Variants in LMCD1 observed in about 807,000 individuals in gnomAD.
LMCD1 encodes LIM and cysteine rich domains 1.
A neutral mutation model predicts 42.7 loss-of-function variants in LMCD1; 32 were observed. That is an observed-to-expected ratio of 0.75 (90% CI 0.57 to 1.01). The LOEUF (loss-of-function observed/expected upper bound fraction) is 1.01, where lower values mean the gene tolerates loss of function less well. LMCD1 is among the 50% of genes least tolerant of loss of function. The probability of loss-of-function intolerance (pLI) is 0.00; values close to 1 mark genes in which losing one functional copy is unlikely to be tolerated. For synonymous variants in LMCD1, 178 were observed against 184.9 expected (o/e 0.96, Z 0.30); for missense variants, 458 against 483.1 (o/e 0.95, Z 0.49).
At chr3:8,545,025 C>T (rs146016859) in intron 3 of LMCD1, among the ~76,000 whole-genome samples, 1 of 152,328 alleles carries the variant, frequency 6.6e-6, no homozygotes, top group East Asian at 1.9e-4. Flanking sequence ...CCAAATTGGA[C>T]AGTTACTTGT....
chr3:8,542,410 C>A (rs1489638048), intron 3 of LMCD1, among the ~76,000 whole-genome samples: 4 of 152,156 alleles, frequency 2.6e-5, no homozygotes, highest in Admixed American at 1.3e-4. Flanking sequence ...CCACAGACAC[C>A]CAATGCCAGT....
intron 3 of LMCD1, among the ~76,000 whole-genome samples, chr3:8,543,424 TAGATAGATAGATAGATAGACAGAC>T (rs1559353105): frequency 1.4e-4 from 17 of 124,346 alleles, no homozygotes; most frequent in African/African-American, 5.4e-4. Flanking sequence ...GATAGATAGA[TAGATAGATAGATAGATAGACAGAC>T]AGACAGAGAG....
chr3:8,541,902 G>A (rs1250714481), intron 3 of LMCD1, among the ~76,000 whole-genome samples: 1 of 151,826 alleles, frequency 6.6e-6, no homozygotes, highest in Non-Finnish European at 1.5e-5. Context: ...GAGCAGTGGT[G>A]GAAGTCTCAG....
chr3:8,559,422 C>T (rs1298615685), intron 4 of LMCD1, among the ~76,000 whole-genome samples: 4 of 119,464 alleles, frequency 3.3e-5, no homozygotes, highest in South Asian at 2.5e-4. Flanking sequence ...TTAACTCACA[C>T]CACAATCCTA....
At chr3:8,532,860 T>G (rs2125022713) in intron 2 of LMCD1, 35 bp downstream of exon 2, 1 of 1,557,732 alleles carries the variant, frequency 6.4e-7, no homozygotes, top group Middle Eastern at 1.7e-4. Context: ...CCTGTCTGCC[T>G]TTGTTACTTG....
chr3:8,536,297 G>A (rs905181273), intron 2 of LMCD1, among the ~76,000 whole-genome samples: 1 of 152,178 alleles, frequency 6.6e-6, no homozygotes, highest in African/African-American at 2.4e-5. Flanking sequence ...GAAAGGGAGG[G>A]GAGCGATTTT....
intron 1 of LMCD1, among the ~76,000 whole-genome samples, chr3:8,513,603 T>C (rs567965212): frequency 6.6e-6 from 1 of 151,998 alleles, no homozygotes; most frequent in Admixed American, 6.5e-5. Context: ...AACATGACTT[T>C]CAAAGAAAAA....
chr3:8,543,117 C>T (rs753895904), intron 3 of LMCD1, among the ~76,000 whole-genome samples: 10 of 152,180 alleles, frequency 6.6e-5, no homozygotes, highest in Non-Finnish European at 1.2e-4. Flanking sequence ...TCTCCGAAAT[C>T]CTTCTTTAGA....
At chr3:8,553,491 G>A (rs1425176190) in intron 4 of LMCD1, among the ~76,000 whole-genome samples, 1 of 152,242 alleles carries the variant, frequency 6.6e-6, no homozygotes, top group African/African-American at 2.4e-5. Context: ...AGGACACACT[G>A]CTGTCTGAGC....
chr3:8,501,968 A>G lies in LMCD1; in HGVS notation c.30A>G (p.Pro10=), dbSNP rs2125004944. MAKVAKDLN[P]GVKKMSLGQL... is the part of the protein sequence containing the mutation. ...CAAAGGTGGCTAAGGACCTCAACCC[A>G]GGAGTTAAAAAGGTGAGTGGAAAGC... The change falls in exon 1 of 6, where the codon CCA becomes CCG. Residue 10 remains proline (P), a synonymous_variant. Coordinates refer to ENST00000157600, the MANE Select transcript of LMCD1 (RefSeq NM_014583.4). 2 of 1,592,698 alleles carry G rather than the reference A, an allele frequency of 1.3e-6. No individual in the cohort carries two copies. Among genetic ancestry groups the G allele is most frequent in the Non-Finnish European group, 1.7e-6 (2 of 1,170,856 alleles).
chr3:8,507,427 T>G (rs1355836104), intron 1 of LMCD1, among the ~76,000 whole-genome samples: 1 of 152,190 alleles, frequency 6.6e-6, no homozygotes, highest in Non-Finnish European at 1.5e-5. Context: ...AACTCCCAAA[T>G]CAACTCCTTG....
At position 8,501,851 on chromosome 3, in the gene LMCD1, C is replaced by T. The variant is rs1471842663; in HGVS notation, c.-88C>T. 1 of 1,237,118 alleles carries T rather than the reference C, an allele frequency of 8.1e-7. No homozygotes were observed. The highest frequency in any genetic ancestry group is 1.1e-6 in the Non-Finnish European group (1 of 875,184). The allele number at this position is 1,237,118 out of a possible 1,614,324, so 76.6% of individuals were successfully genotyped here. On this transcript the variant is annotated 5_prime_UTR_variant, in exon 1 of 6. Transcript: ENST00000157600. ...CAGAGCTCCCTCCCAGGCCCGCGAA[C>T]TTGGCCATTCAGCCGCCGCTGTCCC...
At position 8,521,582 on chromosome 3, in the gene LMCD1, T is replaced by C. The variant is rs138100624; in HGVS notation, c.43-11155T>C. The stretch of plus-strand genomic sequence containing the variant: ...CCCTCACATCAGGCTGTTCCAAGAG[T>C]TGCAAACCCTTGAAAAATGTGCTGA... On this transcript the variant is annotated intron_variant, in intron 1 of 5. Coordinates refer to ENST00000157600, the MANE Select transcript of LMCD1 (RefSeq NM_014583.4). Among the ~76,000 whole-genome samples, 662 of 152,310 alleles carry C rather than the reference T, an allele frequency of 4.3e-3. 2 individuals carry two copies. Among genetic ancestry groups the C allele is most frequent in the African/African-American group, 0.015 (642 of 41,558 alleles).
At chr3:8,527,093 G>A (rs571457311) in intron 1 of LMCD1, among the ~76,000 whole-genome samples, 1 of 152,340 alleles carries the variant, frequency 6.6e-6, no homozygotes, top group Admixed American at 6.5e-5. Flanking sequence ...TTCCTTATCT[G>A]AAAATGAGGC....
chr3:8,533,002 G>T (rs1301062355), intron 2 of LMCD1, among the ~76,000 whole-genome samples, 177 bp downstream of exon 2: 1 of 152,130 alleles, frequency 6.6e-6, no homozygotes, highest in Non-Finnish European at 1.5e-5. Context: ...AAAGTCCTTG[G>T]GGGAGTGTGG....
chr3:8,566,748 C>T (rs1042187819), intron 5 of LMCD1, among the ~76,000 whole-genome samples: 3 of 152,138 alleles, frequency 2.0e-5, no homozygotes, highest in African/African-American at 7.2e-5. Flanking sequence ...ATTAGATAGC[C>T]CTGACTTTGT....
At chr3:8,566,281 A>C (rs1322547836) in intron 5 of LMCD1, among the ~76,000 whole-genome samples, 2 of 152,250 alleles carry the variant, frequency 1.3e-5, no homozygotes, top group Admixed American at 1.3e-4. Context: ...TCTAAGGTGT[A>C]TTAATAATGG....
At chr3:8,534,840 A>G (rs2125023806) in intron 2 of LMCD1, among the ~76,000 whole-genome samples, 1 of 152,280 alleles carries the variant, frequency 6.6e-6, no homozygotes, top group Non-Finnish European at 1.5e-5. Flanking sequence ...TGGATCACTC[A>G]TGTATAAAGT....
chr3:8,502,362 T>TTATATATATTATATATAATATATATTA (rs777242922), intron 1 of LMCD1, among the ~76,000 whole-genome samples: 5 of 70,050 alleles, frequency 7.1e-5, no homozygotes, highest in Non-Finnish European at 7.4e-5. Context: ...ATAATATATA[T>TTATATATATTATATATAATATATATTA]TATATAAAAT....
Sources: gnomAD v4.1 joint callset for allele counts (sites outside exome capture counted in the v4.1 genomes callset) on GRCh38, gnomAD v4.1.1 for gene constraint, MANE v1.5 for transcripts, NCBI Gene and HGNC (gene_info 2026-07-23, HGNC 2026-07-21) for gene names.